The following PGBD2 variants were observed in gnomAD, a reference collection of about 807,000 sequenced individuals.
PGBD2 encodes piggyBac transposable element derived 2, also known as piggyBac transposable element-derived protein 2.
PGBD2 carries 6 observed loss-of-function variants against 8.1 expected under a neutral mutation model. The ratio of observed to expected loss-of-function variants is 0.74; its 90% CI spans 0.40 to 1.46. The LOEUF is 1.46. PGBD2 is among the 40% of genes most tolerant of loss of function. PGBD2 has a pLI of 0.02. For missense variants in PGBD2, 802 were observed against 739.0 expected (o/e 1.09, Z -0.99); for synonymous variants, 318 against 272.2 (o/e 1.17, Z -1.66).
chr1:248,912,182 A>G (rs1661916717), intron 1 of PGBD2, among the ~76,000 whole-genome samples: 1 of 152,112 alleles, frequency 6.6e-6, no homozygotes, highest in African/African-American at 2.4e-5. Flanking sequence ...CCCTACTCCT[A>G]TAATTAATTT....
At chr1:248,919,871 A>G (rs1296418414), downstream of PGBD2, 2 of 161,544 alleles carry the variant, frequency 1.2e-5, no homozygotes, top group Non-Finnish European at 2.9e-5. Context: ...CCTGTTTGCC[A>G]TTTGTACCTT....
At chr1:248,909,557 C>G (rs141971539) in intron 1 of PGBD2, among the ~76,000 whole-genome samples, 1 of 152,126 alleles carries the variant, frequency 6.6e-6, no homozygotes, top group African/African-American at 2.4e-5. Flanking sequence ...TTTGGTTCAG[C>G]GAGTATTTAT....
chr1:248,877,341 T>C, the PGBD2 span, among the ~76,000 whole-genome samples: 1 of 152,244 alleles, frequency 6.6e-6, no homozygotes, highest in South Asian at 2.1e-4. Context: ...ATGTGGTTTG[T>C]ATATATTGTA....
At chr1:248,873,153 GCTCACAGGTAAC>G in the PGBD2 span, among the ~76,000 whole-genome samples, 2 of 152,184 alleles carry the variant, frequency 1.3e-5, no homozygotes, top group Non-Finnish European at 2.9e-5. Flanking sequence ...TGGTATCTGG[GCTCACAGGTAAC>G]CTCACAGCCC....
At chr1:248,893,047 C>A in the PGBD2 span, among the ~76,000 whole-genome samples, 1 of 152,102 alleles carries the variant, frequency 6.6e-6, no homozygotes, top group Admixed American at 6.5e-5. Context: ...ATATGTTTTA[C>A]CTTTGGTCAT....
At chr1:248,914,007 A>T in intron 2 of PGBD2, 128 bp downstream of exon 2, 1 of 837,266 alleles carries the variant, frequency 1.2e-6, no homozygotes, top group East Asian at 2.4e-5. Flanking sequence ...AGTATAAAGG[A>T]AGAAGGGAGA....
chr1:248,908,097 A>C (rs993189963), intron 1 of PGBD2, among the ~76,000 whole-genome samples: 1 of 152,248 alleles, frequency 6.6e-6, no homozygotes, highest in East Asian at 1.9e-4. Context: ...CAGGATATTA[A>C]CACCTACAGG....
In PGBD2 at chr1:248,917,552, G is replaced by C. The variant is rs1182010018; in HGVS notation, c.968G>C (p.Ser323Thr). ...ACACTGTTTACCAAGCCAGACAGGA[G>C]CTTGGATCTAGGAGGCAGTATGGTA... Reference protein sequence around the residue: ...QGTLFTKPDRSLDLGGSMVIK... With the variant: ...QGTLFTKPDRTLDLGGSMVIK... Residue 323 changes from serine (S) to threonine (T), a missense_variant, in exon 3 of 3, where the codon AGC becomes ACC. Ser to Thr is a moderately conservative substitution (Grantham distance 58, BLOSUM62 1). Transcript: ENST00000329291. 1 of 1,614,098 alleles carries C rather than the reference G, an allele frequency of 6.2e-7. No homozygotes were observed. Among genetic ancestry groups the C allele is most frequent in the Non-Finnish European group, 8.5e-7 (1 of 1,180,048 alleles).
At chr1:248,903,265 C>A (rs2103097817), upstream of PGBD2, among the ~76,000 whole-genome samples, 1 of 152,226 alleles carries the variant, frequency 6.6e-6, no homozygotes, top group East Asian at 1.9e-4. Flanking sequence ...GTGGCATGAT[C>A]ATAGCTCATT....
At position 248,916,767 on chromosome 1, in the gene PGBD2, T is replaced by C. The variant is rs1405148639; in HGVS notation, c.183T>C (p.Asp61=). Residue 61 remains aspartate (D), a synonymous_variant, in exon 3 of 3, where the codon GAT becomes GAC. Transcript: ENST00000329291. ...AGEFTDEDSG[D]EDSQRGAHLP... Reference sequence around the variant, plus strand: ...AATTCACTGATGAGGACTCAGGGGATGAAGACAGCCAGCGAGGTGCTCACC... The same window carrying C: ...AATTCACTGATGAGGACTCAGGGGACGAAGACAGCCAGCGAGGTGCTCACC... 1 of 1,614,042 alleles carries C rather than the reference T, an allele frequency of 6.2e-7. No homozygotes were observed. Among genetic ancestry groups the C allele is most frequent in the Non-Finnish European group, 8.5e-7 (1 of 1,180,040 alleles).
At chr1:248,873,447 T>C in the PGBD2 span, among the ~76,000 whole-genome samples, 1 of 152,168 alleles carries the variant, frequency 6.6e-6, no homozygotes, top group Non-Finnish European at 1.5e-5. Context: ...ATGATGATAA[T>C]GAAGAAAAAC....
the PGBD2 span, among the ~76,000 whole-genome samples, chr1:248,875,227 C>T: frequency 2.1e-5 from 3 of 141,576 alleles, no homozygotes; most frequent in East Asian, 2.2e-4. Flanking sequence ...ACCTGGGAGG[C>T]GGAGGTTGCA....
chr1:248,892,251 C>CTCCT, the PGBD2 span, among the ~76,000 whole-genome samples: 1 of 114,146 alleles, frequency 8.8e-6, no homozygotes, highest in Non-Finnish European at 1.6e-5. Context: ...CCTTCCCTCC[C>CTCCT]TCCCTCCCTC....
chr1:248,923,098 TG>T (rs1662319247), downstream of PGBD2, among the ~76,000 whole-genome samples: 1 of 152,192 alleles, frequency 6.6e-6, no homozygotes, highest in African/African-American at 2.4e-5. Flanking sequence ...GGACTTTTTT[TG>T]GTTGGTAGGC....
At chr1:248,914,550 C>T (rs750621098) in intron 2 of PGBD2, 4 of 1,289,168 alleles carry the variant, frequency 3.1e-6, no homozygotes, top group African/African-American at 3.0e-5. Flanking sequence ...ACTCCAAAGT[C>T]CATGGGCAGG....
At chr1:248,873,011 CTG>C in the PGBD2 span, among the ~76,000 whole-genome samples, 1 of 151,836 alleles carries the variant, frequency 6.6e-6, no homozygotes, top group Non-Finnish European at 1.5e-5. Flanking sequence ...TCCTCACACT[CTG>C]TACATGTGAT....
upstream of PGBD2, among the ~76,000 whole-genome samples, chr1:248,904,539 C>T (rs1461145702): frequency 6.6e-6 from 1 of 152,132 alleles, no homozygotes; most frequent in East Asian, 1.9e-4. Context: ...GAAGAAACAG[C>T]CAGCAAGCAC....
chr1:248,873,797 A>G, the PGBD2 span, among the ~76,000 whole-genome samples: 1 of 152,196 alleles, frequency 6.6e-6, no homozygotes, highest in Non-Finnish European at 1.5e-5. Flanking sequence ...GTGACGCGGC[A>G]GGCTGGCACC....
chr1:248,895,896 C>A, the PGBD2 span, among the ~76,000 whole-genome samples: 1 of 151,838 alleles, frequency 6.6e-6, no homozygotes, highest in African/African-American at 2.4e-5. Flanking sequence ...CCATGTTGGC[C>A]AGGATGGTCT....
Sources: allele counts gnomAD v4.1 joint callset (sites outside exome capture counted in the v4.1 genomes callset), GRCh38; gene constraint gnomAD v4.1.1; transcripts MANE v1.5; gene names NCBI Gene and HGNC (gene_info 2026-07-23, HGNC 2026-07-21).